Variants in MAGI2 observed in about 807,000 individuals in gnomAD.
MAGI2 encodes membrane associated guanylate kinase, WW and PDZ domain containing 2.
A neutral mutation model predicts 133.3 loss-of-function variants in MAGI2; 35 were observed. The observed-to-expected ratio is 0.26, with a 90% CI of 0.20 to 0.35. The LOEUF (loss-of-function observed/expected upper bound fraction) is 0.35. Among genes scored for constraint, MAGI2 ranks in the 10% least tolerant of loss-of-function variants. The probability of loss-of-function intolerance (pLI) is 1.00; values close to 1 mark genes in which losing one functional copy is unlikely to be tolerated. For synonymous variants in MAGI2, 729 were observed against 710.6 expected (o/e 1.03, Z -0.41); for missense variants, 1,636 against 1,863.4 (o/e 0.88, Z 2.25).
intron 1 of MAGI2, among the ~76,000 whole-genome samples, chr7:79,264,163 C>A (rs1176908768): frequency 6.6e-6 from 1 of 152,202 alleles, no homozygotes; most frequent in East Asian, 1.9e-4. Flanking sequence ...TCAGTGCACA[C>A]TACCCACATC....
At chr7:78,026,360 A>G (rs1347154195) in intron 21 of MAGI2, among the ~76,000 whole-genome samples, 9 of 152,208 alleles carry the variant, frequency 5.9e-5, no homozygotes. Flanking sequence ...AGCTGACCCA[A>G]TAGGAATAAA....
At chr7:78,098,036 T>C (rs1440420689) in intron 20 of MAGI2, among the ~76,000 whole-genome samples, 1 of 152,154 alleles carries the variant, frequency 6.6e-6, no homozygotes, top group Non-Finnish European at 1.5e-5. Context: ...ATTAAAGTTA[T>C]GTAATATTTA....
intron 6 of MAGI2, among the ~76,000 whole-genome samples, chr7:78,470,517 A>G (rs17150842): frequency 0.05 from 7,577 of 152,142 alleles, 589 homozygotes; most frequent in East Asian, 0.35. Context: ...TTCTTAATGG[A>G]GTAAAGCTAA....
At chr7:79,166,840 A>G (rs1042041113) in intron 1 of MAGI2, among the ~76,000 whole-genome samples, 2 of 152,082 alleles carry the variant, frequency 1.3e-5, no homozygotes, top group African/African-American at 4.8e-5. Context: ...AATAGAGGCT[A>G]GTAATATAGA....
intron 9 of MAGI2, among the ~76,000 whole-genome samples, chr7:78,327,698 T>C (rs554363770): frequency 6.6e-6 from 1 of 152,338 alleles, no homozygotes; most frequent in South Asian, 2.1e-4. Context: ...CTGATAAGGT[T>C]TGCTGAATAA....
intron 1 of MAGI2, among the ~76,000 whole-genome samples, chr7:79,135,856 A>T (rs2129545673): frequency 1.3e-5 from 2 of 151,382 alleles, no homozygotes; most frequent in South Asian, 4.2e-4. Context: ...CAGGAGAATC[A>T]TTTGAGCCCA....
intron 2 of MAGI2, among the ~76,000 whole-genome samples, chr7:78,948,958 G>C (rs549658774): frequency 6.6e-6 from 1 of 151,924 alleles, no homozygotes; most frequent in Non-Finnish European, 1.5e-5. Flanking sequence ...AAGAGAAAAA[G>C]TTTCAGTCAA....
At chr7:79,139,102 A>C (rs1364772901) in intron 1 of MAGI2, among the ~76,000 whole-genome samples, 2 of 152,064 alleles carry the variant, frequency 1.3e-5, no homozygotes, top group African/African-American at 4.8e-5. Flanking sequence ...CTTAGAAGAA[A>C]CCAAACCTCC....
At chr7:78,151,816 C>T (rs931731198) in intron 16 of MAGI2, among the ~76,000 whole-genome samples, 3 of 152,150 alleles carry the variant, frequency 2.0e-5, no homozygotes, top group Non-Finnish European at 4.4e-5. Context: ...GCTACCTTTG[C>T]GAGATGAAAC....
Position 78,825,414 on chromosome 7 carries a change from T to C in MAGI2, c.418+181676A>G, listed in dbSNP as rs771748375. Among the ~76,000 whole-genome samples the C allele has an allele frequency of 3.6e-4, 55 of 152,292 alleles. 1 individual carries two copies. Among genetic ancestry groups the C allele is most frequent in the Non-Finnish European group, 6.8e-4 (46 of 68,020 alleles). On this transcript the variant is annotated intron_variant, in intron 2 of 21. Transcript: ENST00000354212. ...TATATGTTACTAGTTTGACCTCCTT[T>C]GCAATTCTAGGGTAAGCTAACAGTG...
intron 2 of MAGI2, among the ~76,000 whole-genome samples, chr7:78,699,007 CTATT>C (rs2151143145): frequency 6.6e-6 from 1 of 152,300 alleles, no homozygotes; most frequent in African/African-American, 2.4e-5. Context: ...CCTTTATATA[CTATT>C]TAGAGTCAGA....
At chr7:78,105,509 A>T (rs1478567004) in intron 20 of MAGI2, among the ~76,000 whole-genome samples, 1 of 152,154 alleles carries the variant, frequency 6.6e-6, no homozygotes, top group East Asian at 1.9e-4. Flanking sequence ...TATCTTTGTC[A>T]TCATTTGATA....
At chr7:79,268,040 T>C (rs554944143) in intron 1 of MAGI2, among the ~76,000 whole-genome samples, 1 of 152,256 alleles carries the variant, frequency 6.6e-6, no homozygotes, top group Non-Finnish European at 1.5e-5. Context: ...TCAATGATAT[T>C]TCAGGGAGGA....
intron 1 of MAGI2, among the ~76,000 whole-genome samples, chr7:79,446,741 G>T (rs1848878665): frequency 6.6e-6 from 1 of 152,144 alleles, no homozygotes. Flanking sequence ...ACGAGGTCAG[G>T]AGATCAAGAC....
chr7:79,366,266 A>T (rs533696427), intron 1 of MAGI2, among the ~76,000 whole-genome samples: 1 of 151,872 alleles, frequency 6.6e-6, no homozygotes, highest in East Asian at 1.9e-4. Context: ...AACAAAGAAA[A>T]ATATATATAT....
In MAGI2 at chr7:78,573,203, T is replaced by A. The variant is rs1315715268; in HGVS notation, c.539-51558A>T. Among the ~76,000 whole-genome samples, 7 of 87,110 alleles carry A rather than the reference T, an allele frequency of 8.0e-5. No homozygotes were observed. In the South Asian group the frequency reaches 1.2e-3, roughly 15 times the overall value. The allele number at this position is 87,110 out of a possible 152,430, so 57.1% of individuals were successfully genotyped here. A position where few individuals can be genotyped will look rare whatever the true frequency, so the allele number is the denominator to read the frequency against. On this transcript the variant is annotated intron_variant, in intron 3 of 21. Transcript: ENST00000354212. ...CCTGGAACTTTTATATATATATATA[T>A]AAATATATATATAAATATATATAAA...
rs149015265 is a variant in MAGI2 at position 78,311,295 on chromosome 7, A to C, written c.1408+32483T>G. On this transcript the variant is annotated intron_variant, in intron 9 of 21. Transcript: ENST00000354212. Reference sequence around the variant, plus strand: ...AGGAGCAGTGGGGAGGGTGGAAAAGAGGAACAGTTGAGCAATGCCATAGAA... The same window carrying C: ...AGGAGCAGTGGGGAGGGTGGAAAAGCGGAACAGTTGAGCAATGCCATAGAA... Among the ~76,000 whole-genome samples the C allele has an allele frequency of 9.3e-4, 141 of 152,336 alleles. 3 individuals carry two copies. The East Asian group carries it at 0.027, about 29-fold the overall frequency.
At chr7:79,376,910 G>C (rs918531230) in intron 1 of MAGI2, among the ~76,000 whole-genome samples, 2 of 151,618 alleles carry the variant, frequency 1.3e-5, no homozygotes, top group Non-Finnish European at 2.9e-5. Context: ...GCAGCTTCCT[G>C]TGTATGTGCT....
intron 10 of MAGI2, chr7:78,255,660 T>C (rs1792890983): frequency 1.4e-5 from 8 of 568,130 alleles, no homozygotes; most frequent in Non-Finnish European, 2.4e-5. Context: ...ACAAAATACA[T>C]TCATAGTTGG....
Sources: allele counts gnomAD v4.1 joint callset (sites outside exome capture counted in the v4.1 genomes callset), GRCh38; gene constraint gnomAD v4.1.1; transcripts MANE v1.5; gene names NCBI Gene and HGNC (gene_info 2026-07-23, HGNC 2026-07-21).